Variants in LRRC28 observed in about 807,000 individuals in gnomAD.
The protein encoded by LRRC28 is leucine-rich repeat-containing protein 28.
In LRRC28, 39 loss-of-function variants were observed where a neutral mutation model predicts 45.7. The observed-to-expected ratio is 0.85, with a 90% CI of 0.66 to 1.12. The LOEUF (loss-of-function observed/expected upper bound fraction) is 1.12. Among genes scored for constraint, LRRC28 ranks in the 50% most tolerant of loss-of-function variants. The pLI, the probability that LRRC28 is intolerant of heterozygous loss-of-function variation, is 0.00. For synonymous variants in LRRC28, 206 were observed against 178.8 expected (o/e 1.15, Z -1.22); for missense variants, 435 against 438.5 (o/e 0.99, Z 0.07).
chr15:99,357,332 A>G (rs1348057097), intron 7 of LRRC28, among the ~76,000 whole-genome samples: 1 of 152,204 alleles, frequency 6.6e-6, no homozygotes, highest in African/African-American at 2.4e-5. Flanking sequence ...CAAATACACA[A>G]TTTTTATGGA....
In LRRC28 at chr15:99,366,418, A is replaced by G. The variant is rs566593285; in HGVS notation, c.1031+3153A>G. Among the ~76,000 whole-genome samples, 10 of 152,318 alleles carry G rather than the reference A, an allele frequency of 6.6e-5. No homozygotes were observed. In the East Asian group the frequency reaches 1.5e-3, roughly 23 times the overall value. The stretch of plus-strand genomic sequence containing the variant: ...ACCTAACTATTATATATGCAAGGAC[A>G]TTGTTCCCAAATAAGGTCTCTATAT... On this transcript the variant is annotated intron_variant, in intron 9 of 9. Transcript: ENST00000301981.
intron 2 of LRRC28, among the ~76,000 whole-genome samples, chr15:99,267,038 A>G (rs1263523483): frequency 6.6e-6 from 1 of 152,210 alleles, no homozygotes; most frequent in Non-Finnish European, 1.5e-5. Flanking sequence ...TTTGGTTTAT[A>G]TTACTTTCAG....
intron 6 of LRRC28, among the ~76,000 whole-genome samples, chr15:99,350,928 T>G (rs1487036755): frequency 6.6e-6 from 1 of 152,170 alleles, no homozygotes; most frequent in Non-Finnish European, 1.5e-5. Flanking sequence ...CCTGAGCAGC[T>G]GGAACTAGAG....
At chr15:99,252,435 C>T (rs926781275) in intron 1 of LRRC28, among the ~76,000 whole-genome samples, 2 of 152,208 alleles carry the variant, frequency 1.3e-5, no homozygotes, top group Non-Finnish European at 2.9e-5. Flanking sequence ...CCAGCCAGAA[C>T]ATTCAGAAGG....
At chr15:99,346,354 G>A (rs1471427726) in intron 6 of LRRC28, among the ~76,000 whole-genome samples, 1 of 152,158 alleles carries the variant, frequency 6.6e-6, no homozygotes, top group Non-Finnish European at 1.5e-5. Context: ...TTGTTTTGTA[G>A]AGACAGTATC....
intron 2 of LRRC28, among the ~76,000 whole-genome samples, chr15:99,263,180 T>C (rs2081245771): frequency 6.7e-6 from 1 of 150,106 alleles, no homozygotes; most frequent in African/African-American, 2.5e-5. Flanking sequence ...TAGCTGGTTG[T>C]GGTGGCGTGT....
At chr15:99,292,877 T>G (rs1449809597) in intron 5 of LRRC28, among the ~76,000 whole-genome samples, 4 of 152,242 alleles carry the variant, frequency 2.6e-5, no homozygotes, top group Admixed American at 2.0e-4. Flanking sequence ...CCCTATGTCC[T>G]CAGTCTCTGA....
At position 99,363,120 on chromosome 15, in the gene LRRC28, T is replaced by C; in HGVS notation, c.886T>C (p.Ser296Pro). The C allele has an allele frequency of 6.2e-7, 1 of 1,608,372 alleles. No homozygotes were observed. Among genetic ancestry groups the C allele is most frequent in the Non-Finnish European group, 8.5e-7 (1 of 1,177,600 alleles). The change falls in exon 9 of 10, where the codon TCT becomes CCT. Residue 296 changes from serine to proline, a missense_variant. Transcript: ENST00000301981. ...TTGTGTTCCAGATTTGAACTTTCTG[T>C]CTCCAATCTCATTACCCAGAAGTCT... is the stretch of plus-strand genomic sequence containing the variant. ...HSLLKDLNFLSPISLPRSLLE... is the reference protein window; with the variant it reads ...HSLLKDLNFLPPISLPRSLLE...
intron 2 of LRRC28, among the ~76,000 whole-genome samples, chr15:99,261,190 C>T (rs1028423976): frequency 2.6e-5 from 4 of 152,188 alleles, no homozygotes; most frequent in African/African-American, 9.7e-5. Flanking sequence ...AAGAAAAAGC[C>T]TTTTAGCACA....
At chr15:99,259,710 G>A (rs1355722556) in intron 2 of LRRC28, 31 of 1,421,058 alleles carry the variant, frequency 2.2e-5, no homozygotes, top group East Asian at 9.1e-5. Flanking sequence ...GACATGCTTC[G>A]ACGAATTAAG....
chr15:99,285,516 C>A, intron 3 of LRRC28: 1 of 1,081,784 alleles, frequency 9.2e-7, no homozygotes, highest in South Asian at 1.4e-5. Context: ...TTTCAAAGCT[C>A]AGGCCTCCAA....
chr15:99,363,184 G>C lies in LRRC28; in HGVS notation c.950G>C (p.Arg317Pro). Reference sequence around the variant, plus strand: ...CACTGCCCTCTGGGGCACTGTCATCGGTGTAGTGAGCCTATGTTTACCATC... The same window carrying C: ...CACTGCCCTCTGGGGCACTGTCATCCGTGTAGTGAGCCTATGTTTACCATC... ...LLHCPLGHCH[R>P]CSEPMFTIVY... is the part of the protein sequence containing the mutation. The change falls in exon 9 of 10, where the codon CGG (arginine) becomes CCG (proline). Residue 317 changes from arginine (R) to proline (P), a missense_variant. Transcript: ENST00000301981. The C allele has an allele frequency of 6.2e-7, 1 of 1,613,998 alleles. No homozygotes were observed. Among genetic ancestry groups the C allele is most frequent in the African/African-American group, 1.3e-5 (1 of 75,018 alleles).
At chr15:99,287,121 G>A in intron 3 of LRRC28, 136 bp from the exon 4 acceptor site, 1 of 611,132 alleles carries the variant, frequency 1.6e-6, no homozygotes, top group East Asian at 3.2e-5. Context: ...ATTATTGTAT[G>A]TTGATGCATT....
At chr15:99,336,576 T>C (rs1956328998) in intron 6 of LRRC28, among the ~76,000 whole-genome samples, 2 of 152,294 alleles carry the variant, frequency 1.3e-5, no homozygotes, top group South Asian at 4.2e-4. Flanking sequence ...TCATTCAATC[T>C]CTCTCTCTAT....
chr15:99,280,826 T>C (rs2081766017), intron 3 of LRRC28, among the ~76,000 whole-genome samples: 1 of 152,192 alleles, frequency 6.6e-6, no homozygotes, highest in Non-Finnish European at 1.5e-5. Flanking sequence ...CCCCTGCTTG[T>C]GGAACTCTTA....
intron 2 of LRRC28, among the ~76,000 whole-genome samples, chr15:99,275,943 A>G (rs1009938481): frequency 1.1e-4 from 17 of 152,158 alleles, no homozygotes; most frequent in Admixed American, 9.8e-4. Flanking sequence ...GCGAAGCTTC[A>G]TCTGTATTTA....
chr15:99,275,705 C>T (rs540316978), intron 2 of LRRC28, among the ~76,000 whole-genome samples: 1 of 152,204 alleles, frequency 6.6e-6, no homozygotes, highest in Non-Finnish European at 1.5e-5. Flanking sequence ...TTTCTCCTTG[C>T]TGGGAGTGGC....
At chr15:99,359,906 ACCTCTTCTGTTTATCT>A (rs2152324910) in intron 7 of LRRC28, among the ~76,000 whole-genome samples, 1 of 152,244 alleles carries the variant, frequency 6.6e-6, no homozygotes, top group South Asian at 2.1e-4. Flanking sequence ...GATATTCCAT[ACCTCTTCTGTTTATCT>A]CAGGCTCTCA....
At chr15:99,329,551 T>G (rs1688651664) in intron 5 of LRRC28, among the ~76,000 whole-genome samples, 1 of 152,220 alleles carries the variant, frequency 6.6e-6, no homozygotes, top group Non-Finnish European at 1.5e-5. Context: ...TTTTTATAAA[T>G]TTGAGTCCAT....
Sources: gnomAD v4.1 joint callset for allele counts (sites outside exome capture counted in the v4.1 genomes callset) on GRCh38, gnomAD v4.1.1 for gene constraint, MANE v1.5 for transcripts, NCBI Gene and HGNC (gene_info 2026-07-23, HGNC 2026-07-21) for gene names.